The following COLGALT2 variants were observed in gnomAD, a reference collection of about 807,000 sequenced individuals.
COLGALT2 encodes the protein collagen beta(1-O)galactosyltransferase 2.
Under a neutral mutation model 73.4 loss-of-function variants are expected in COLGALT2, and 49 were observed. The ratio of observed to expected loss-of-function variants is 0.67; its 90% CI spans 0.53 to 0.85. The LOEUF (loss-of-function observed/expected upper bound fraction) is 0.85. COLGALT2 is among the 40% of genes least tolerant of loss of function. COLGALT2 has a pLI of 0.00. For missense variants in COLGALT2, 722 were observed against 790.2 expected, an observed-to-expected ratio of 0.91 and a Z score of 1.03; for synonymous variants, 295 against 307.6, an observed-to-expected ratio of 0.96 and a Z score of 0.43.
At chr1:183,990,018 C>T (rs1389080140) in intron 1 of COLGALT2, among the ~76,000 whole-genome samples, 1 of 152,210 alleles carries the variant, frequency 6.6e-6, no homozygotes, top group Non-Finnish European at 1.5e-5. Context: ...AAAAGTTCAA[C>T]ACATTCATTT....
intron 1 of COLGALT2, among the ~76,000 whole-genome samples, chr1:184,036,259 A>C (rs925711586): frequency 6.6e-5 from 10 of 152,242 alleles, no homozygotes; most frequent in African/African-American, 2.4e-4. Flanking sequence ...AAAAGGTGCG[A>C]GACGACCAAG....
At position 183,937,620 on chromosome 1, in the gene COLGALT2, A is replaced by G. The variant is rs1669991901; in HGVS notation, c.*1141T>C. The G allele has an allele frequency of 1.0e-6, 1 of 985,256 alleles. No homozygotes were observed. The highest frequency in any genetic ancestry group is 1.2e-6 in the Non-Finnish European group (1 of 829,956). The allele number at this position is 985,256 out of a possible 1,614,324, so 61.0% of individuals were successfully genotyped here. A position where few individuals can be genotyped will look rare whatever the true frequency, so the allele number is the denominator to read the frequency against. On this transcript the variant is annotated 3_prime_UTR_variant, in exon 12 of 12. Transcript: ENST00000361927. ...TCCCCCCATCCACAGGCCTCCCCAC[A>G]AGAGCCTGGCTGGGAAATTCAGGAG...
chr1:184,020,524 C>G (rs1394430104), intron 1 of COLGALT2, among the ~76,000 whole-genome samples: 1 of 152,152 alleles, frequency 6.6e-6, no homozygotes, highest in South Asian at 2.1e-4. Flanking sequence ...CTCCCCTCCT[C>G]AACATCTTGA....
Position 183,938,935 on chromosome 1 carries a change from C to A in COLGALT2, c.1707G>T (p.Leu569=). 1.2e-6 allele frequency: 2 copies of A among 1,614,170 alleles called. No individual in the cohort carries two copies. Among genetic ancestry groups the A allele is most frequent in the Non-Finnish European group, 1.7e-6 (2 of 1,180,048 alleles). Residue 569 remains leucine (L), a synonymous_variant, in exon 12 of 12, where the codon CTG becomes CTT. Coordinates refer to ENST00000361927, the MANE Select transcript of COLGALT2 (RefSeq NM_015101.4). ...PTHYTGQPGY[L]SDTETSTIWD... is the part of the protein sequence containing the mutation. ...AGATGGTGGAGGTCTCCGTGTCACT[C>A]AGGTACCCCGGCTGGCCTGTGTAGT...
At position 183,940,593 on chromosome 1, in the gene COLGALT2, T is replaced by C; in HGVS notation, c.1592A>G (p.Asn531Ser). The change falls in exon 11 of 12, where the codon AAC becomes AGC. Residue 531 changes from asparagine to serine, a missense_variant. Coordinates refer to ENST00000361927, the MANE Select transcript of COLGALT2 (RefSeq NM_015101.4). ...CAGGGAGACTCACACGGGATGCTTG[T>C]TGTACATGACTGGCAGAAACTCATC... Reference protein sequence around the residue: ...PVDEFLPVMYNKHPVAEYKEY... With the variant: ...PVDEFLPVMYSKHPVAEYKEY... 1 of 1,614,168 alleles carries C rather than the reference T, an allele frequency of 6.2e-7. No individual in the cohort carries two copies. Among genetic ancestry groups the C allele is most frequent in the South Asian group, 1.1e-5 (1 of 91,084 alleles).
chr1:184,016,554 G>A (rs1465650300), intron 1 of COLGALT2, among the ~76,000 whole-genome samples: 7 of 152,204 alleles, frequency 4.6e-5, no homozygotes, highest in Admixed American at 4.6e-4. Flanking sequence ...TGGGGCAGCA[G>A]GCAGGTGCTG....
intron 1 of COLGALT2, among the ~76,000 whole-genome samples, chr1:183,988,020 C>G (rs1282264226): frequency 6.6e-6 from 1 of 152,178 alleles, no homozygotes; most frequent in Non-Finnish European, 1.5e-5. Flanking sequence ...TAGCCCAGGT[C>G]CATCTATCCA....
chr1:184,018,463 A>C (rs1649075407), intron 1 of COLGALT2, among the ~76,000 whole-genome samples: 1 of 152,178 alleles, frequency 6.6e-6, no homozygotes. Context: ...TTCCTTTCCT[A>C]GGAAGCACAT....
chr1:184,030,529 G>A (rs1294420660), intron 1 of COLGALT2, among the ~76,000 whole-genome samples: 1 of 152,124 alleles, frequency 6.6e-6, no homozygotes, highest in African/African-American at 2.4e-5. Context: ...CCATAGACTT[G>A]GAGACGGTGC....
rs528216296 is a variant in COLGALT2 at position 183,947,847 on chromosome 1, C to A, written c.1137-2283G>T. ...ATCAACAAAATTGACAATTATTTGC[C>A]TAAACTGATGAATTAAAAAAAAGTA... On this transcript the variant is annotated intron_variant, in intron 8 of 11. Transcript: ENST00000361927. 7.9e-5 allele frequency among the ~76,000 whole-genome samples: 12 copies of A among 151,932 alleles called. 1 individual carries two copies. The South Asian group carries it at 1.2e-3, about 16-fold the overall frequency.
intron 5 of COLGALT2, among the ~76,000 whole-genome samples, chr1:183,965,969 C>T (rs569134308): frequency 6.6e-6 from 1 of 152,316 alleles, no homozygotes; most frequent in East Asian, 1.9e-4. Context: ...TAACTCCTCA[C>T]AGTCTATAGT....
chr1:184,013,579 G>T (rs1648883757), intron 1 of COLGALT2, among the ~76,000 whole-genome samples: 2 of 152,218 alleles, frequency 1.3e-5, no homozygotes, highest in Non-Finnish European at 2.9e-5. Flanking sequence ...GAAGGACGGG[G>T]CGGGAGAAAC....
At chr1:183,986,667 A>AT (rs1278522800) in intron 1 of COLGALT2, among the ~76,000 whole-genome samples, 2 of 152,202 alleles carry the variant, frequency 1.3e-5, no homozygotes, top group Non-Finnish European at 2.9e-5. Context: ...TATACTCATG[A>AT]TTCGGAGATA....
At chr1:183,929,967 C>T (rs1335593702) in exon 12 of COLGALT2, 3 of 269,148 alleles carry the variant, frequency 1.1e-5, no homozygotes, top group East Asian at 1.0e-4. Context: ...CAGGCAGCTT[C>T]CATCTTGCAA....
chr1:184,025,667 G>C (rs758807309), intron 1 of COLGALT2, among the ~76,000 whole-genome samples: 2 of 152,170 alleles, frequency 1.3e-5, no homozygotes, highest in Non-Finnish European at 2.9e-5. Flanking sequence ...CTCTCATGTT[G>C]CCACTTTCCT....
chr1:183,944,315 A>G lies in COLGALT2; in HGVS notation c.1278T>C (p.Asp426=). 1 of 1,612,444 alleles carries G rather than the reference A, an allele frequency of 6.2e-7. No homozygotes were observed. The change falls in exon 10 of 12, where the codon GAT becomes GAC. Residue 426 remains aspartate (D), a synonymous_variant. Coordinates refer to ENST00000361927, the MANE Select transcript of COLGALT2 (RefSeq NM_015101.4). ...TTACAAGAGTCTTCTCTAGCTCTCGATCAATTACCTGCAAAAGTCATCAGT... is the reference window on the plus strand; with the variant it reads ...TTACAAGAGTCTTCTCTAGCTCTCGGTCAATTACCTGCAAAAGTCATCAGT... The part of the protein sequence containing the change: ...SHYSVWKEVI[D]RELEKTLVIE...
In COLGALT2 at chr1:183,936,401, G is replaced by T. The variant is rs946315037; in HGVS notation, c.*2360C>A. 1.2e-5 allele frequency: 12 copies of T among 985,984 alleles called. No individual in the cohort carries two copies. In the South Asian group the frequency reaches 5.2e-4, roughly 42 times the overall value. The allele number at this position is 985,984 out of a possible 1,614,324, so 61.1% of individuals were successfully genotyped here. A position where few individuals can be genotyped will look rare whatever the true frequency, so the allele number is the denominator to read the frequency against. On this transcript the variant is annotated 3_prime_UTR_variant, in exon 12 of 12. Coordinates refer to ENST00000361927, the MANE Select transcript of COLGALT2 (RefSeq NM_015101.4). ...ACCTGAGCAGGGAGAAACAAACCGGGCTAAAGGAGACAGAACTTTCTTCAC... is the reference window on the plus strand; with the variant it reads ...ACCTGAGCAGGGAGAAACAAACCGGTCTAAAGGAGACAGAACTTTCTTCAC...
intron 1 of COLGALT2, among the ~76,000 whole-genome samples, chr1:184,030,693 A>T (rs952796831): frequency 3.9e-5 from 6 of 152,228 alleles, no homozygotes; most frequent in Non-Finnish European, 1.5e-5. Flanking sequence ...ATGCTTATGT[A>T]TTTGGAGTCA....
chr1:184,015,922 T>C (rs989640023), intron 1 of COLGALT2, among the ~76,000 whole-genome samples: 3 of 152,252 alleles, frequency 2.0e-5, no homozygotes, highest in Non-Finnish European at 4.4e-5. Flanking sequence ...TTCACTGTAA[T>C]TTATTGACAG....
Sources: allele counts gnomAD v4.1 joint callset (sites outside exome capture counted in the v4.1 genomes callset), GRCh38; gene constraint gnomAD v4.1.1; transcripts MANE v1.5; gene names NCBI Gene and HGNC (gene_info 2026-07-23, HGNC 2026-07-21).